DNAAF9: variants seen among roughly 807,000 people sequenced by gnomAD.
The protein encoded by DNAAF9 is shulin.
A neutral mutation model predicts 167.0 loss-of-function variants in DNAAF9; 90 were observed. The ratio of observed to expected loss-of-function variants is 0.54; its 90% CI spans 0.45 to 0.64. The LOEUF is 0.64. Among genes scored for constraint, DNAAF9 ranks in the 30% least tolerant of loss-of-function variants. DNAAF9 has a pLI of 0.00. For missense variants in DNAAF9, 1,315 were observed against 1,442.2 expected, an observed-to-expected ratio of 0.91 and a Z score of 1.43; for synonymous variants, 491 against 508.8, an observed-to-expected ratio of 0.96 and a Z score of 0.47.
At chr20:3,309,132 G>C (rs972356446) in intron 20 of DNAAF9, among the ~76,000 whole-genome samples, 43 of 151,774 alleles carry the variant, frequency 2.8e-4, no homozygotes, top group Non-Finnish European at 1.0e-4. Context: ...TTAGCACTTT[G>C]CTCAAAGTTA....
chr20:3,289,936 T>A (rs1005135699), intron 26 of DNAAF9, among the ~76,000 whole-genome samples, 193 bp downstream of exon 26: 1 of 152,198 alleles, frequency 6.6e-6, no homozygotes, highest in African/African-American at 2.4e-5. Context: ...TGTATGTTCA[T>A]CGATGTATTC....
intron 27 of DNAAF9, among the ~76,000 whole-genome samples, chr20:3,282,181 C>T (rs1004792127): frequency 2.0e-5 from 3 of 152,158 alleles, no homozygotes; most frequent in Non-Finnish European, 2.9e-5. Context: ...AGAGTGCGTC[C>T]GGACCCATCC....
intron 8 of DNAAF9, among the ~76,000 whole-genome samples, chr20:3,348,078 C>T (rs1188263892): frequency 6.6e-6 from 1 of 152,106 alleles, no homozygotes; most frequent in Non-Finnish European, 1.5e-5. Flanking sequence ...TGGATCCTTC[C>T]TGCTGATTAG....
At chr20:3,376,557 A>G (rs2083578032) in intron 3 of DNAAF9, among the ~76,000 whole-genome samples, 1 of 152,240 alleles carries the variant, frequency 6.6e-6, no homozygotes. Flanking sequence ...TCCTGAGAAC[A>G]TGTACCCAAA....
rs1044862902 is a variant in DNAAF9 at position 3,340,651 on chromosome 20, A to T, written c.846-12T>A. 1 of 1,613,522 alleles carries T rather than the reference A, an allele frequency of 6.2e-7. No homozygotes were observed. The highest frequency in any genetic ancestry group is 1.3e-5 in the African/African-American group (1 of 74,890). ...GCTGCCGGTTAGGGCTAGAGAGGGA[A>T]GTCAAAAACATGTGATTAGAAAAGA... On this transcript the variant is annotated splice_polypyrimidine_tract_variant and intron_variant, in intron 9 of 36. Coordinates refer to ENST00000252032, the MANE Select transcript of DNAAF9 (RefSeq NM_001009984.3).
intron 29 of DNAAF9, among the ~76,000 whole-genome samples, chr20:3,276,174 A>C (rs2068672772): frequency 6.6e-6 from 1 of 152,202 alleles, no homozygotes; most frequent in Non-Finnish European, 1.5e-5. Flanking sequence ...TAGGACATGA[A>C]GTATTTGTCT....
rs368323612 is a variant in DNAAF9 at position 3,255,190 on chromosome 20, G to T, written c.3327+29C>A. On this transcript the variant is annotated intron_variant, in intron 35 of 36. Coordinates refer to ENST00000252032, the MANE Select transcript of DNAAF9 (RefSeq NM_001009984.3). ...AAGCCGAGGACAGCCCTGGGCCACC[G>T]AGGGGAGAAGCCAGGGCAAGGCACT... 7 of 1,458,920 alleles carry T rather than the reference G, an allele frequency of 4.8e-6. No individual in the cohort carries two copies. The Admixed American group carries it at 7.9e-5, about 16-fold the overall frequency. The allele number at this position is 1,458,920 out of a possible 1,614,324, so 90.4% of individuals were successfully genotyped here.
At chr20:3,302,353 G>A (rs1017016070) in intron 21 of DNAAF9, among the ~76,000 whole-genome samples, 9 of 152,108 alleles carry the variant, frequency 5.9e-5, no homozygotes, top group Admixed American at 2.0e-4. Flanking sequence ...GGTAATGAAT[G>A]AGAAATCCAT....
At chr20:3,348,485 A>C (rs777684382) in intron 8 of DNAAF9, 40 bp downstream of exon 8, 1 of 1,004,242 alleles carries the variant, frequency 1.0e-6, no homozygotes, top group Non-Finnish European at 1.5e-6. Flanking sequence ...TAAATAAATT[A>C]ACCATTTTAT....
At position 3,315,734 on chromosome 20, in the gene DNAAF9, C is replaced by T; in HGVS notation, c.1590+1G>A. 4.4e-6 allele frequency: 7 copies of T among 1,608,996 alleles called. No homozygotes were observed. Among genetic ancestry groups the T allele is most frequent in the Non-Finnish European group, 6.0e-6 (7 of 1,175,314 alleles). On this transcript the variant is annotated splice_donor_variant, in intron 19 of 36. Coordinates refer to ENST00000252032, the MANE Select transcript of DNAAF9 (RefSeq NM_001009984.3). LOFTEE classifies it high-confidence loss of function. This position sits in a 1 kb window ranked among gnomAD's most constrained non-coding sequence, Gnocchi z 4.1. ...ACACTGAGAATAAGAAGGCTGCTTA[C>T]CCTCACTGCTTGCTGGGTTTTCTCA...
intron 18 of DNAAF9, among the ~76,000 whole-genome samples, 171 bp downstream of exon 18, chr20:3,316,552 T>A (rs976946326): frequency 2.0e-5 from 3 of 152,236 alleles, no homozygotes; most frequent in African/African-American, 7.2e-5. Context: ...TTAACGGAAC[T>A]ATGTTCATTT....
At chr20:3,296,576 T>G (rs561976900) in intron 23 of DNAAF9, 1 of 394,036 alleles carries the variant, frequency 2.5e-6, no homozygotes, top group East Asian at 4.6e-5. Context: ...GGGGTCTCAC[T>G]ATGTTGCCCA....
rs149121479 is a variant in DNAAF9 at position 3,291,665 on chromosome 20, A to G, written c.2239-1448T>C. Among the ~76,000 whole-genome samples, 398 of 152,176 alleles carry G rather than the reference A, an allele frequency of 2.6e-3. 4 individuals are homozygous for G. Among genetic ancestry groups the G allele is most frequent in the East Asian group, 0.017 (90 of 5,152 alleles). ...CCTGTTAAGTTTTATTTCACAATAC[A>G]CAAGACTCACTGGGACAGGCCCAGT... On this transcript the variant is annotated intron_variant, in intron 25 of 36. Coordinates refer to ENST00000252032, the MANE Select transcript of DNAAF9 (RefSeq NM_001009984.3).
At chr20:3,310,343 A>AAAAAGAAAGAAAGAAAG (rs1172725865) in intron 20 of DNAAF9, among the ~76,000 whole-genome samples, 7 of 144,208 alleles carry the variant, frequency 4.9e-5, no homozygotes, top group Non-Finnish European at 1.1e-4. Context: ...AAAAGAAAGA[A>AAAAAGAAAGAAAGAAAG]AGAAAGAAAG....
chr20:3,395,315 C>A (rs1414857044), intron 1 of DNAAF9, among the ~76,000 whole-genome samples: 1 of 150,762 alleles, frequency 6.6e-6, no homozygotes, highest in African/African-American at 2.4e-5. Context: ...CAGCCTTGAT[C>A]TGTTGCCCAG....
chr20:3,285,696 G>T (rs1463894230), intron 27 of DNAAF9, among the ~76,000 whole-genome samples: 1 of 116,216 alleles, frequency 8.6e-6, no homozygotes, highest in Non-Finnish European at 1.8e-5. Flanking sequence ...AAAAAAAAAA[G>T]GGCCAGGAGC....
In DNAAF9 at chr20:3,300,839, C is replaced by T. The variant is rs1373358127; in HGVS notation, c.1783-2664G>A. ...CATTCCAGGCTTGAGCCACTGCATCCAGCCCTGGAATTGTTTTCTTAATAT... is the reference window on the plus strand; with the variant it reads ...CATTCCAGGCTTGAGCCACTGCATCTAGCCCTGGAATTGTTTTCTTAATAT... On this transcript the variant is annotated intron_variant, in intron 21 of 36. Coordinates refer to ENST00000252032, the MANE Select transcript of DNAAF9 (RefSeq NM_001009984.3). Among the ~76,000 whole-genome samples the T allele has an allele frequency of 7.3e-4, 110 of 151,342 alleles. 1 individual carries two copies. The highest frequency in any genetic ancestry group is 1.5e-5 in the Non-Finnish European group (1 of 67,884).
chr20:3,377,826 G>C (rs1448208156), intron 3 of DNAAF9, among the ~76,000 whole-genome samples: 1 of 152,100 alleles, frequency 6.6e-6, no homozygotes, highest in Non-Finnish European at 1.5e-5. Context: ...GACATAATGA[G>C]GCACTGCCAA....
chr20:3,280,669 G>A (rs951643351), intron 28 of DNAAF9, among the ~76,000 whole-genome samples: 2 of 152,008 alleles, frequency 1.3e-5, no homozygotes, highest in African/African-American at 4.8e-5. Context: ...AGGTTGGAGT[G>A]CAGTAGCATG....
Sources: allele counts gnomAD v4.1 joint callset (sites outside exome capture counted in the v4.1 genomes callset), GRCh38; gene constraint gnomAD v4.1.1; non-coding constraint Gnocchi (gnomAD v3.1); transcripts MANE v1.5; gene names NCBI Gene and HGNC (gene_info 2026-07-23, HGNC 2026-07-21).